TCTN2: variants seen among roughly 807,000 people sequenced by gnomAD.
TCTN2 encodes the protein tectonic family member 2.
In TCTN2, 66 loss-of-function variants were observed where a neutral mutation model predicts 83.4. That is an observed-to-expected ratio of 0.79 (90% CI 0.65 to 0.97). The LOEUF is 0.97. Among genes scored for constraint, TCTN2 ranks in the 50% least tolerant of loss-of-function variants. TCTN2 has a pLI of 0.00. For missense variants in TCTN2, 794 were observed against 858.1 expected (o/e 0.93, Z 0.93); for synonymous variants, 301 against 326.7 (o/e 0.92, Z 0.85).
chr12:123,693,431 A>G (rs1956069915), intron 9 of TCTN2, among the ~76,000 whole-genome samples: 1 of 143,498 alleles, frequency 7.0e-6, no homozygotes, highest in African/African-American at 2.6e-5. Context: ...ATGCAGCCAA[A>G]TAAGTTACGT....
rs1278055462 is a variant in TCTN2, at chr12:123,680,128, G to A, written c.564+839G>A. On this transcript the variant is annotated intron_variant, in intron 5 of 17. Transcript: ENST00000303372. ...AGCACTTTGGGTGGCCAAGGTGGGC[G>A]GATCACCTGAGGTCCGGAGTTTGAG... Among the ~76,000 whole-genome samples the A allele has an allele frequency of 5.3e-5, 8 of 151,848 alleles. No homozygotes were observed. In the East Asian group the frequency reaches 7.9e-4, roughly 15 times the overall value.
rs1334043485 is a variant in TCTN2 at position 123,688,192 on chromosome 12, A to G, written c.891+15A>G. 1.9e-6 allele frequency: 3 copies of G among 1,604,714 alleles called. No individual in the cohort carries two copies. Among genetic ancestry groups the G allele is most frequent in the Non-Finnish European group, 2.6e-6 (3 of 1,174,146 alleles). On this transcript the variant is annotated intron_variant, in intron 7 of 17. Coordinates refer to ENST00000303372, the MANE Select transcript of TCTN2 (RefSeq NM_024809.5). ...CTATTCCGCAGGTAATCGTTGCAAT[A>G]TTAGTATGCTAGACCGTTCTCTTTT...
intron 17 of TCTN2, 110 bp downstream of exon 17, chr12:123,707,183 A>C: frequency 5.2e-6 from 5 of 953,618 alleles, no homozygotes; most frequent in Non-Finnish European, 8.1e-6. Flanking sequence ...AACTTAAAAA[A>C]AAGTACGGAT....
Position 123,699,729 on chromosome 12 carries a change from T to C in TCTN2, c.1531T>C (p.Ser511Pro). ...GGAGAATGCTGTTGAAAGACTTGATTCATTAATACAAGCGACTCACGTTGC... is the reference window on the plus strand; with the variant it reads ...GGAGAATGCTGTTGAAAGACTTGATCCATTAATACAAGCGACTCACGTTGC... ...LRENAVERLDSLIQATHVAMR... is the reference protein window; with the variant it reads ...LRENAVERLDPLIQATHVAMR... The change falls in exon 14 of 18, where the codon TCA becomes CCA. Residue 511 changes from serine to proline, a missense_variant. Transcript: ENST00000303372. 6.2e-7 allele frequency: 1 copy of C among 1,614,084 alleles called. No homozygotes were observed. Among genetic ancestry groups the C allele is most frequent in the Non-Finnish European group, 8.5e-7 (1 of 1,179,934 alleles).
At chr12:123,681,604 A>G (rs1955900406) in intron 5 of TCTN2, among the ~76,000 whole-genome samples, 1 of 152,202 alleles carries the variant, frequency 6.6e-6, no homozygotes, top group Non-Finnish European at 1.5e-5. Context: ...ATCCTATTCC[A>G]TTGTATGGAT....
At chr12:123,681,862 G>T (rs1373966585) in intron 5 of TCTN2, among the ~76,000 whole-genome samples, 2 of 152,172 alleles carry the variant, frequency 1.3e-5, no homozygotes, top group East Asian at 3.9e-4. Context: ...AATGTATGTG[G>T]GGTATAATTT....
intron 4 of TCTN2, among the ~76,000 whole-genome samples, chr12:123,678,167 C>T (rs1026995531): frequency 1.3e-5 from 2 of 152,218 alleles, no homozygotes; most frequent in Admixed American, 1.3e-4. Flanking sequence ...GCCCCCCATA[C>T]TCTCGTGGTC....
chr12:123,701,124 T>C (rs755207397), intron 14 of TCTN2, among the ~76,000 whole-genome samples: 1 of 152,116 alleles, frequency 6.6e-6, no homozygotes, highest in Non-Finnish European at 1.5e-5. Flanking sequence ...AATAAAGTGA[T>C]TGAAAATATT....
In TCTN2 at chr12:123,697,218, A is replaced by C. The variant is rs768512587; in HGVS notation, c.1505+20A>C. 1.3e-6 allele frequency: 2 copies of C among 1,513,608 alleles called. No homozygotes were observed. Among genetic ancestry groups the C allele is most frequent in the Admixed American group, 3.3e-5 (2 of 59,834 alleles). The allele number at this position is 1,513,608 out of a possible 1,614,324, so 93.8% of individuals were successfully genotyped here. A position where few individuals can be genotyped will look rare whatever the true frequency, so the allele number is the denominator to read the frequency against. ...GCTCAGGTGAGTGTTTCATTGATGA[A>C]TATATCGGCAATGTGAATGGTTTGC... On this transcript the variant is annotated intron_variant, in intron 13 of 17. Coordinates refer to ENST00000303372, the MANE Select transcript of TCTN2 (RefSeq NM_024809.5).
chr12:123,704,693 G>A lies in TCTN2; in HGVS notation c.1769+5G>A, dbSNP rs778161258. The A allele has an allele frequency of 6.2e-7, 1 of 1,613,466 alleles. No homozygotes were observed. Among genetic ancestry groups the A allele is most frequent in the Non-Finnish European group, 8.5e-7 (1 of 1,179,892 alleles). ...GATACTCGGTGTAGAGACAAGGTAT[G>A]ATCACATCTTGGATCACCGTAGTTT... On this transcript the variant is annotated splice_donor_5th_base_variant and intron_variant, in intron 15 of 17. Coordinates refer to ENST00000303372, the MANE Select transcript of TCTN2 (RefSeq NM_024809.5).
Position 123,687,063 on chromosome 12 carries a change from G to C in TCTN2, c.764+28G>C, listed in dbSNP as rs73418148. The C allele has an allele frequency of 0.019, 30,902 of 1,613,730 alleles. 420 individuals are homozygous for C. Among genetic ancestry groups the C allele is most frequent in the African/African-American group, 0.047 (3,530 of 75,012 alleles). ...AAGTGTCTGAGCAGCCGCCTGGGAT[G>C]GGGCATTGTTCTCCCGCCCTGGTGG... On this transcript the variant is annotated intron_variant, in intron 6 of 17. Coordinates refer to ENST00000303372, the MANE Select transcript of TCTN2 (RefSeq NM_024809.5).
At chr12:123,706,462 G>A (rs992723739) in intron 15 of TCTN2, among the ~76,000 whole-genome samples, 4 of 152,236 alleles carry the variant, frequency 2.6e-5, no homozygotes, top group Non-Finnish European at 5.9e-5. Context: ...ACTGGCTGGA[G>A]AGGAGTGAGA....
chr12:123,687,924 A>T, intron 6 of TCTN2, 127 bp from the exon 7 acceptor site: 2 of 1,302,062 alleles, frequency 1.5e-6, no homozygotes, highest in Non-Finnish European at 2.2e-6. Flanking sequence ...AGATCACGCC[A>T]CTGCACTCCA....
chr12:123,698,491 G>A (rs944278583), intron 13 of TCTN2, among the ~76,000 whole-genome samples: 23 of 151,984 alleles, frequency 1.5e-4, no homozygotes, highest in African/African-American at 5.1e-4. Context: ...AGACTGGAGC[G>A]CAGTGGTGTG....
In TCTN2 at chr12:123,706,731, C is replaced by T. The variant is rs1956233992; in HGVS notation, c.1775C>T (p.Ser592Phe). 6.2e-7 allele frequency: 1 copy of T among 1,613,918 alleles called. No homozygotes were observed. The highest frequency in any genetic ancestry group is 1.3e-5 in the African/African-American group (1 of 74,874). The change falls in exon 16 of 18, where the codon TCC becomes TTC. Residue 592 changes from serine to phenylalanine, a missense_variant. By Grantham distance (155) the Ser-to-Phe change is radical. Coordinates refer to ENST00000303372, the MANE Select transcript of TCTN2 (RefSeq NM_024809.5). ...ATGTGATCTTTCCCTCCTAGGTTCT[C>T]CTCAGTGAACTGGCAGTACCAGTGT... ...QEILGVETRF[S>F]SVNWQYQCGL...
At chr12:123,691,957 C>A (rs1213889026) in intron 8 of TCTN2, among the ~76,000 whole-genome samples, 1 of 149,720 alleles carries the variant, frequency 6.7e-6, no homozygotes, top group Non-Finnish European at 1.5e-5. Flanking sequence ...TGCGATGGCG[C>A]GATCTCGGCT....
rs765523709 is a variant in TCTN2, at chr12:123,690,551, T to C, written c.910T>C (p.Cys304Arg). The C allele has an allele frequency of 5.4e-5, 87 of 1,614,098 alleles. No homozygotes were observed. Among genetic ancestry groups the C allele is most frequent in the Non-Finnish European group, 7.3e-5 (86 of 1,180,046 alleles). Residue 304 changes from cysteine (C) to arginine (R), a missense_variant, in exon 8 of 18, where the codon TGT becomes CGT. By Grantham distance (180) the Cys-to-Arg change is radical. Coordinates refer to ENST00000303372, the MANE Select transcript of TCTN2 (RefSeq NM_024809.5). The stretch of plus-strand genomic sequence containing the variant: ...CCCTCAGGTGTCCCTGGCTGGGCAG[T>C]GTATGCAGAACGCCCCAGTGGCATT... ...TIPQVSLAGQ[C>R]MQNAPVAFLH...
At chr12:123,694,509 G>A (rs1379345164) in intron 9 of TCTN2, among the ~76,000 whole-genome samples, 7 of 152,212 alleles carry the variant, frequency 4.6e-5, no homozygotes, top group South Asian at 4.1e-4. Context: ...CTGCCCTGGC[G>A]GAACTGACCC....
chr12:123,699,448 C>G (rs1956146636), intron 13 of TCTN2, among the ~76,000 whole-genome samples: 1 of 152,164 alleles, frequency 6.6e-6, no homozygotes, highest in Admixed American at 6.6e-5. Flanking sequence ...AGCCACTGCA[C>G]CCGGCCAAGT....
Sources: gnomAD v4.1 joint callset for allele counts (sites outside exome capture counted in the v4.1 genomes callset) on GRCh38, gnomAD v4.1.1 for gene constraint, MANE v1.5 for transcripts, NCBI Gene and HGNC (gene_info 2026-07-23, HGNC 2026-07-21) for gene names.